Variants in ATP11B observed in about 807,000 individuals in gnomAD.
ATP11B encodes ATPase phospholipid transporting 11B (putative).
In ATP11B, 81 loss-of-function variants were observed where a neutral mutation model predicts 157.8. That is an observed-to-expected ratio of 0.51 (90% CI 0.43 to 0.62). The LOEUF (loss-of-function observed/expected upper bound fraction) is 0.62, where lower values mean the gene tolerates loss of function less well. ATP11B is among the 20% of genes least tolerant of loss of function. The probability of loss-of-function intolerance (pLI) is 0.00; values close to 1 mark genes in which losing one functional copy is unlikely to be tolerated. For missense variants in ATP11B, 1,165 were observed against 1,402.2 expected (o/e 0.83, Z 2.70); for synonymous variants, 451 against 469.4 (o/e 0.96, Z 0.51).
Position 182,848,526 on chromosome 3 carries a change from A to G in ATP11B, c.820A>G (p.Ser274Gly). 1 of 1,574,020 alleles carries G rather than the reference A, an allele frequency of 6.4e-7. No individual in the cohort carries two copies. The highest frequency in any genetic ancestry group is 1.8e-5 in the Admixed American group (1 of 56,626). The change falls in exon 10 of 30, where the codon AGC (serine) becomes GGC (glycine). Residue 274 changes from serine (S) to glycine (G), a missense_variant. Physicochemically the swap from Ser to Gly is moderately conservative, Grantham distance 56. Transcript: ENST00000323116. ...AACTAAGATGGCATTAAATTACAAG[A>G]GCAAATCACAGAAACGATCTGCAGT... ...METKMALNYK[S>G]KSQKRSAVEK... is the part of the protein sequence containing the mutation.
intron 10 of ATP11B, among the ~76,000 whole-genome samples, chr3:182,854,045 A>AT (rs1252508685): frequency 6.6e-6 from 1 of 152,204 alleles, no homozygotes; most frequent in Non-Finnish European, 1.5e-5. Context: ...AAAATTTAGT[A>AT]TTTTCTACAA....
chr3:182,835,656 T>C (rs1466369505), intron 4 of ATP11B, among the ~76,000 whole-genome samples: 3 of 152,180 alleles, frequency 2.0e-5, no homozygotes, highest in Admixed American at 6.5e-5. Flanking sequence ...AAAAGAGATA[T>C]ATGGCTGGAG....
intron 15 of ATP11B, among the ~76,000 whole-genome samples, chr3:182,867,678 G>C (rs1721353272): frequency 6.9e-6 from 1 of 144,218 alleles, no homozygotes; most frequent in African/African-American, 2.5e-5. Context: ...CCACCTCCCA[G>C]GTTCAAGTGA....
intron 10 of ATP11B, among the ~76,000 whole-genome samples, chr3:182,856,708 T>A (rs1720433293): frequency 1.3e-5 from 2 of 152,190 alleles, no homozygotes; most frequent in Non-Finnish European, 2.9e-5. Context: ...CATTCCTTAT[T>A]TACTGTCACA....
chr3:182,874,045 T>G, intron 19 of ATP11B, 30 bp downstream of exon 19: 2 of 1,594,484 alleles, frequency 1.3e-6, no homozygotes, highest in Non-Finnish European at 1.7e-6. Flanking sequence ...TATCATACCT[T>G]TCAGGGGTTA....
At chr3:182,877,210 G>A (rs1248169250) in intron 19 of ATP11B, among the ~76,000 whole-genome samples, 2 of 152,302 alleles carry the variant, frequency 1.3e-5, no homozygotes, top group Admixed American at 6.5e-5. Context: ...GCTCTGGAAG[G>A]ACAGAAGAGA....
rs1484320410 is a variant in ATP11B at position 182,820,341 on chromosome 3, C to T, written c.109C>T (p.Gln37Ter). 1 of 1,612,116 alleles carries T rather than the reference C, an allele frequency of 6.2e-7. No homozygotes were observed. Among genetic ancestry groups the T allele is most frequent in the South Asian group, 1.1e-5 (1 of 91,042 alleles). Reference sequence around the variant, plus strand: ...TCCTCAGAATGGCCTTTACACACCTCAGAAATTTATAGATAACAGGATCAT... The same window carrying T: ...TCCTCAGAATGGCCTTTACACACCTTAGAAATTTATAGATAACAGGATCAT... ...RFPQNGLYTP[Q>*]KFIDNRIISS... Residue 37 changes from glutamine (Q) to a stop codon, truncating the protein, a stop_gained, in exon 2 of 30, where the codon CAG (glutamine) becomes TAG (stop). Coordinates refer to ENST00000323116, the MANE Select transcript of ATP11B (RefSeq NM_014616.3). LOFTEE classifies it high-confidence loss of function.
chr3:182,843,401 A>G (rs1193935750), intron 8 of ATP11B: 1 of 152,226 alleles, frequency 6.6e-6, no homozygotes, highest in Non-Finnish European at 1.5e-5. Flanking sequence ...ATTTAAACCG[A>G]CGATGCCTAG....
At chr3:182,879,365 A>G (rs1206124912) in intron 19 of ATP11B, 131 bp from the exon 20 acceptor site, 4 of 726,200 alleles carry the variant, frequency 5.5e-6, no homozygotes, top group African/African-American at 1.8e-5. Context: ...GTTTCCTGAC[A>G]TAACAGTCTT....
At chr3:182,837,214 T>A (rs1376870149) in intron 7 of ATP11B, 40 bp downstream of exon 7, 1 of 1,356,110 alleles carries the variant, frequency 7.4e-7, no homozygotes. Flanking sequence ...TAAGTCCTAT[T>A]TACAGACCTC....
chr3:182,824,645 G>T (rs544476835), intron 2 of ATP11B, among the ~76,000 whole-genome samples: 88 of 152,302 alleles, frequency 5.8e-4, no homozygotes, highest in Non-Finnish European at 1.0e-3. Context: ...GACTGTCTCT[G>T]TACACAGAAG....
intron 25 of ATP11B, among the ~76,000 whole-genome samples, chr3:182,892,843 A>T (rs547425226): frequency 6.6e-6 from 1 of 152,308 alleles, no homozygotes; most frequent in East Asian, 1.9e-4. Flanking sequence ...TTCCATGGGT[A>T]CATCTTTACC....
At chr3:182,880,795 C>T in intron 20 of ATP11B, 84 bp from the exon 21 acceptor site, 1 of 743,416 alleles carries the variant, frequency 1.3e-6, no homozygotes, top group Admixed American at 3.0e-5. Context: ...AGTGTTCTTA[C>T]TATAGTCATT....
chr3:182,835,626 G>C (rs1028240340), intron 4 of ATP11B, among the ~76,000 whole-genome samples: 13 of 152,090 alleles, frequency 8.5e-5, no homozygotes, highest in African/African-American at 3.1e-4. Context: ...AAAGCAATTA[G>C]GTATTCAAGT....
intron 12 of ATP11B, among the ~76,000 whole-genome samples, chr3:182,861,360 C>T (rs759761668): frequency 6.6e-6 from 1 of 152,128 alleles, no homozygotes; most frequent in Non-Finnish European, 1.5e-5. Context: ...CCACTGTGCC[C>T]AGCCTAATAA....
At chr3:182,806,967 A>G (rs911577014) in intron 1 of ATP11B, among the ~76,000 whole-genome samples, 1 of 151,858 alleles carries the variant, frequency 6.6e-6, no homozygotes, top group Non-Finnish European at 1.5e-5. Flanking sequence ...TTATTTCCAC[A>G]CTGAGAGTCC....
chr3:182,855,613 C>T (rs584503), intron 10 of ATP11B, among the ~76,000 whole-genome samples: 108,189 of 152,026 alleles, frequency 0.71, 38,958 homozygotes, highest in Non-Finnish European at 0.77. Flanking sequence ...GGGAAAAATA[C>T]TTGCAAACCA....
Position 182,874,030 on chromosome 3 carries a change from A to C in ATP11B, c.2252+15A>C. ...CTTGCCAGAAGGTAAGAATATAGGA[A>C]CCTGTATCATACCTTTCAGGGGTTA... On this transcript the variant is annotated intron_variant, in intron 19 of 29. Transcript: ENST00000323116. The C allele has an allele frequency of 6.2e-7, 1 of 1,609,472 alleles. No individual in the cohort carries two copies. Among genetic ancestry groups the C allele is most frequent in the Non-Finnish European group, 8.5e-7 (1 of 1,176,996 alleles).
intron 8 of ATP11B, among the ~76,000 whole-genome samples, chr3:182,842,660 G>A (rs1719141545): frequency 6.6e-6 from 1 of 152,096 alleles, no homozygotes; most frequent in Non-Finnish European, 1.5e-5. Context: ...TGGGGTGAAA[G>A]GAGGGCAGGA....
Sources: gnomAD v4.1 joint callset for allele counts (sites outside exome capture counted in the v4.1 genomes callset) on GRCh38, gnomAD v4.1.1 for gene constraint, MANE v1.5 for transcripts, NCBI Gene and HGNC (gene_info 2026-07-23, HGNC 2026-07-21) for gene names.